IMMP2L: variants seen among roughly 807,000 people sequenced by gnomAD.
The protein encoded by IMMP2L is inner mitochondrial membrane peptidase subunit 2, also known as mitochondrial inner membrane protease subunit 2.
IMMP2L carries 18 observed loss-of-function variants against 19.3 expected under a neutral mutation model. The ratio of observed to expected loss-of-function variants is 0.93; its 90% CI spans 0.64 to 1.38. The LOEUF is 1.38. IMMP2L is among the 40% of genes most tolerant of loss of function. The pLI, the probability that IMMP2L is intolerant of heterozygous loss-of-function variation, is 0.00. For missense variants in IMMP2L, 233 were observed against 218.2 expected (o/e 1.07, Z -0.43); for synonymous variants, 76 against 73.0 (o/e 1.04, Z -0.21).
intron 3 of IMMP2L, among the ~76,000 whole-genome samples, chr7:111,456,693 G>T (rs1272176478): frequency 1.3e-4 from 19 of 150,962 alleles, no homozygotes; most frequent in Admixed American, 9.2e-4. Flanking sequence ...CTACAATATT[G>T]CCTAGCACAT....
chr7:110,949,467 T>C (rs67798998), intron 4 of IMMP2L, among the ~76,000 whole-genome samples: 72,040 of 152,080 alleles, frequency 0.47, 18,349 homozygotes, highest in Non-Finnish European at 0.58. Flanking sequence ...TTTTGTATTT[T>C]CTACTGATTT....
intron 5 of IMMP2L, 132 bp from the exon 6 acceptor site, chr7:110,663,853 T>C: frequency 1.8e-6 from 1 of 561,512 alleles, no homozygotes; most frequent in Non-Finnish European, 3.0e-6. Context: ...AAAAAAATAG[T>C]AAACACCTTT....
chr7:111,283,695 G>C (rs1820153206), intron 3 of IMMP2L, among the ~76,000 whole-genome samples: 1 of 152,066 alleles, frequency 6.6e-6, no homozygotes, highest in African/African-American at 2.4e-5. Context: ...TGATTGGCCG[G>C]GCGCGGTGGC....
At chr7:111,249,788 A>T (rs935049895) in intron 3 of IMMP2L, among the ~76,000 whole-genome samples, 6 of 152,174 alleles carry the variant, frequency 3.9e-5, no homozygotes, top group Non-Finnish European at 8.8e-5. Flanking sequence ...ATATATGATA[A>T]ATCCACAGCC....
chr7:111,111,578 G>A (rs1358167556), intron 3 of IMMP2L, among the ~76,000 whole-genome samples: 4 of 152,008 alleles, frequency 2.6e-5, no homozygotes, highest in Non-Finnish European at 5.9e-5. Flanking sequence ...AAATGGTATA[G>A]TAGTCAAATA....
At chr7:111,419,759 T>TGAGGACAAG (rs1015204462) in intron 3 of IMMP2L, among the ~76,000 whole-genome samples, 2 of 151,130 alleles carry the variant, frequency 1.3e-5, no homozygotes, top group African/African-American at 2.4e-5. Flanking sequence ...CACAGGCACG[T>TGAGGACAAG]GTCCTCAGCC....
chr7:111,022,684 T>A (rs1444797483), intron 3 of IMMP2L, among the ~76,000 whole-genome samples: 2 of 152,170 alleles, frequency 1.3e-5, no homozygotes, highest in Non-Finnish European at 2.9e-5. Flanking sequence ...TTCTCAAGGA[T>A]GATCTATATC....
intron 4 of IMMP2L, among the ~76,000 whole-genome samples, chr7:110,940,905 G>A (rs1377581735): frequency 6.6e-6 from 1 of 152,160 alleles, no homozygotes; most frequent in East Asian, 1.9e-4. Context: ...ATAAGTGGTG[G>A]TTTAATCACA....
At chr7:110,739,768 C>A (rs1796878518) in intron 5 of IMMP2L, among the ~76,000 whole-genome samples, 1 of 152,136 alleles carries the variant, frequency 6.6e-6, no homozygotes, top group Non-Finnish European at 1.5e-5. Context: ...ACATTCTATT[C>A]ATCAGCAAAT....
chr7:110,880,070 T>C (rs1054042544), intron 5 of IMMP2L, among the ~76,000 whole-genome samples: 4 of 152,122 alleles, frequency 2.6e-5, no homozygotes, highest in African/African-American at 7.2e-5. Context: ...GACCTATCAA[T>C]AGAATACACA....
At chr7:110,843,353 A>G (rs1020690033) in intron 5 of IMMP2L, among the ~76,000 whole-genome samples, 2 of 152,180 alleles carry the variant, frequency 1.3e-5, no homozygotes, top group African/African-American at 4.8e-5. Flanking sequence ...AGACATTTGC[A>G]TAAAACTGTT....
At chr7:111,129,991 G>A (rs1435053223) in intron 3 of IMMP2L, among the ~76,000 whole-genome samples, 1 of 152,120 alleles carries the variant, frequency 6.6e-6, no homozygotes, top group Non-Finnish European at 1.5e-5. Context: ...GAAGGCTCAT[G>A]AATTGAGTAG....
chr7:110,824,019 C>T (rs551208821), intron 5 of IMMP2L, among the ~76,000 whole-genome samples: 1 of 152,182 alleles, frequency 6.6e-6, no homozygotes, highest in African/African-American at 2.4e-5. Flanking sequence ...AGTGGTCATT[C>T]ACTTGGACAA....
At chr7:110,677,208 C>A (rs1792368777) in intron 5 of IMMP2L, among the ~76,000 whole-genome samples, 1 of 151,872 alleles carries the variant, frequency 6.6e-6, no homozygotes, top group African/African-American at 2.4e-5. Flanking sequence ...CTTGTGGATG[C>A]CAGCGAAACA....
At position 111,064,630 on chromosome 7, in the gene IMMP2L, G is replaced by C. The variant is rs573420700; in HGVS notation, c.240-101065C>G. On this transcript the variant is annotated intron_variant, in intron 3 of 5. Transcript: ENST00000405709. Reference sequence around the variant, plus strand: ...TGTTCCCACAGTATTATATTCTGCTGCCCTACTGGTCTTAAATCCAGAGGG... The same window carrying C: ...TGTTCCCACAGTATTATATTCTGCTCCCCTACTGGTCTTAAATCCAGAGGG... Among the ~76,000 whole-genome samples, 10 of 152,202 alleles carry C rather than the reference G, an allele frequency of 6.6e-5. No individual in the cohort carries two copies. The South Asian group carries it at 2.1e-3, about 32-fold the overall frequency.
intron 5 of IMMP2L, among the ~76,000 whole-genome samples, chr7:110,861,958 A>G (rs548577982): frequency 1.2e-4 from 19 of 152,130 alleles, no homozygotes; most frequent in Non-Finnish European, 2.5e-4. Flanking sequence ...TATTACAAGT[A>G]TAAATTATGT....
intron 4 of IMMP2L, among the ~76,000 whole-genome samples, chr7:110,892,180 C>T (rs1462552047): frequency 6.6e-6 from 1 of 152,088 alleles, no homozygotes; most frequent in Non-Finnish European, 1.5e-5. Flanking sequence ...CAGACTGGCT[C>T]AGAAGAAAAT....
intron 3 of IMMP2L, among the ~76,000 whole-genome samples, chr7:111,465,724 G>A (rs1489168165): frequency 6.6e-6 from 1 of 152,016 alleles, no homozygotes; most frequent in Non-Finnish European, 1.5e-5. Context: ...TACACTGTTG[G>A]TGGGACTGTA....
intron 3 of IMMP2L, among the ~76,000 whole-genome samples, chr7:111,002,857 G>T (rs1226291942): frequency 6.6e-6 from 1 of 152,070 alleles, no homozygotes; most frequent in Non-Finnish European, 1.5e-5. Flanking sequence ...TGTTTTAATT[G>T]GCTCTTGTGA....
Sources: allele counts gnomAD v4.1 joint callset (sites outside exome capture counted in the v4.1 genomes callset), GRCh38; gene constraint gnomAD v4.1.1; transcripts MANE v1.5; gene names NCBI Gene and HGNC (gene_info 2026-07-23, HGNC 2026-07-21).